The following AMZ1 variants were observed in gnomAD, a reference collection of about 807,000 sequenced individuals.
The protein encoded by AMZ1 is archaelysin family metallopeptidase 1.
AMZ1 carries 39 observed loss-of-function variants against 29.9 expected under a neutral mutation model. The observed-to-expected ratio is 1.30, with a 90% CI of 1.01 to 1.70. AMZ1 has a LOEUF of 1.70. Among genes scored for constraint, AMZ1 ranks in the 40% most tolerant of loss-of-function variants. The pLI, the probability that AMZ1 is intolerant of heterozygous loss-of-function variation, is 0.00. For synonymous variants in AMZ1, 458 were observed against 304.0 expected (o/e 1.51, Z -5.27); for missense variants, 1,041 against 680.6 (o/e 1.53, Z -5.89).
At chr7:2,686,683 C>T (rs1444424409), upstream of AMZ1, among the ~76,000 whole-genome samples, 3 of 151,906 alleles carry the variant, frequency 2.0e-5, no homozygotes, top group African/African-American at 4.8e-5. Context: ...AAATTTTGCA[C>T]ACCGGACACC....
upstream of AMZ1, chr7:2,762,754 C>T (rs1309630679): frequency 6.4e-7 from 1 of 1,551,012 alleles, no homozygotes; most frequent in Non-Finnish European, 8.7e-7. Flanking sequence ...GGAAGTGCAC[C>T]AGGCCCGTCC....
chr7:2,684,137 C>T (rs1176886182), upstream of AMZ1, among the ~76,000 whole-genome samples: 2 of 151,866 alleles, frequency 1.3e-5, no homozygotes, highest in Non-Finnish European at 2.9e-5. Context: ...AAGATCACGC[C>T]ACTGCACTCC....
chr7:2,740,843 G>C (rs1284052538), intron 4 of AMZ1, among the ~76,000 whole-genome samples: 1 of 152,204 alleles, frequency 6.6e-6, no homozygotes, highest in African/African-American at 2.4e-5. Context: ...GAGAGATCTA[G>C]ACCATCCTGA....
At chr7:2,753,356 G>A (rs1791129630) in intron 4 of AMZ1, among the ~76,000 whole-genome samples, 1 of 151,990 alleles carries the variant, frequency 6.6e-6, no homozygotes. Flanking sequence ...TTGCTATGTT[G>A]TCCAGGCTGG....
In AMZ1 at chr7:2,702,909, G is replaced by A. The variant is rs375269556; in HGVS notation, c.472+20G>A. On this transcript the variant is annotated intron_variant, in intron 3 of 6. Transcript: ENST00000683327. ...ACACAGGTGAGTGAGGACGGCAGCC[G>A]CCGCTCAGGCCAAGGCAGGCCCCTT... 4.1e-5 allele frequency: 65 copies of A among 1,570,754 alleles called. No individual in the cohort carries two copies. The highest frequency in any genetic ancestry group is 5.1e-5 in the Non-Finnish European group (59 of 1,165,180).
Position 2,691,665 on chromosome 7 carries a change from A to C in AMZ1, c.-219+3369A>C, listed in dbSNP as rs998432854. 2.2e-5 allele frequency among the ~76,000 whole-genome samples: 3 copies of C among 135,398 alleles called. 1 individual carries two copies. Among genetic ancestry groups the C allele is most frequent in the African/African-American group, 9.4e-5 (3 of 31,830 alleles). 88.8% of individuals were successfully genotyped at this position (135,398 alleles called of 152,430 possible). A position where few individuals can be genotyped will look rare whatever the true frequency, so the allele number is the denominator to read the frequency against. On this transcript the variant is annotated intron_variant, in intron 1 of 6. Transcript: ENST00000683327. ...CTCAGGCAGTGAACCCAGGAGGCGGAGGTTGCAGTGAGCCGAGATTGCGCC... is the reference window on the plus strand; with the variant it reads ...CTCAGGCAGTGAACCCAGGAGGCGGCGGTTGCAGTGAGCCGAGATTGCGCC...
intron 4 of AMZ1, among the ~76,000 whole-genome samples, chr7:2,753,154 C>CTT (rs34424525): frequency 1.1e-4 from 16 of 147,260 alleles, no homozygotes; most frequent in African/African-American, 3.2e-4. Flanking sequence ...CAGCATGCGG[C>CTT]TTTTTTTTTT....
chr7:2,746,334 C>G (rs1790762053), intron 4 of AMZ1, among the ~76,000 whole-genome samples: 1 of 152,204 alleles, frequency 6.6e-6, no homozygotes, highest in South Asian at 2.1e-4. Flanking sequence ...TCTCAGACCA[C>G]AGTGCAATCA....
At chr7:2,691,372 C>G (rs1209741690) in intron 1 of AMZ1, among the ~76,000 whole-genome samples, 2 of 148,248 alleles carry the variant, frequency 1.3e-5, no homozygotes, top group South Asian at 4.2e-4. Flanking sequence ...CTTTCCCTCT[C>G]TGAGCCTCAG....
At chr7:2,752,476 C>T (rs1014087268) in intron 4 of AMZ1, among the ~76,000 whole-genome samples, 2 of 152,102 alleles carry the variant, frequency 1.3e-5, no homozygotes, top group Non-Finnish European at 2.9e-5. Flanking sequence ...ACAAATGAAA[C>T]AAAAGACACA....
rs923034727 is a variant in AMZ1 at position 2,715,350 on chromosome 7, G to A, written c.*2472G>A. 8.5e-5 allele frequency: 13 copies of A among 152,362 alleles called. No individual in the cohort carries two copies. Among genetic ancestry groups the A allele is most frequent in the African/African-American group, 2.9e-4 (12 of 41,434 alleles). 9.4% of individuals were successfully genotyped at this position (152,362 alleles called of 1,614,324 possible). A position where few individuals can be genotyped will look rare whatever the true frequency, so the allele number is the denominator to read the frequency against. ...GATTTGGCTGGTGCACCTGCGAGGT[G>A]GCCTGACCTGTTTTCCGATTTCCTT... On this transcript the variant is annotated 3_prime_UTR_variant, in exon 7 of 7. Coordinates refer to ENST00000683327, the MANE Select transcript of AMZ1 (RefSeq NM_001384743.1).
Position 2,716,299 on chromosome 7 carries a change from C to T in AMZ1, c.*3421C>T, listed in dbSNP as rs920186896. 6.6e-6 allele frequency: 1 copy of T among 152,202 alleles called. No individual in the cohort carries two copies. Among genetic ancestry groups the T allele is most frequent in the Non-Finnish European group, 1.5e-5 (1 of 68,066 alleles). The allele number at this position is 152,202 out of a possible 1,614,324, so 9.4% of individuals were successfully genotyped here. On this transcript the variant is annotated 3_prime_UTR_variant, in exon 7 of 7. Coordinates refer to ENST00000683327, the MANE Select transcript of AMZ1 (RefSeq NM_001384743.1). ...ATCTCATTCTTTTCCCTCTCTTCCT[C>T]CCCAAAAAGCCCAAACTCATTGTCA... is the stretch of plus-strand genomic sequence containing the variant.
In AMZ1 at chr7:2,737,253, GCTAT is replaced by G. The variant is rs569122765; in HGVS notation, n.550+27440_550+27443del. Among the ~76,000 whole-genome samples, 785 of 137,568 alleles carry G rather than the reference GCTAT, an allele frequency of 5.7e-3. 3 individuals are homozygous for G. Among genetic ancestry groups the G allele is most frequent in the Non-Finnish European group, 9.8e-3 (633 of 64,428 alleles). The allele number at this position is 137,568 out of a possible 152,430, so 90.2% of individuals were successfully genotyped here. A position where few individuals can be genotyped will look rare whatever the true frequency, so the allele number is the denominator to read the frequency against. On this transcript the variant is annotated intron_variant and non_coding_transcript_variant, in intron 4 of 4. Transcript: ENST00000489665. ...TTAAACCCTATCTGCCCATTCAGGA[GCTAT>G]CTCACAGTTTTGTTTTGTTTTTTTT...
intron 4 of AMZ1, among the ~76,000 whole-genome samples, chr7:2,759,429 T>C (rs1337756324): frequency 1.3e-5 from 2 of 152,190 alleles, no homozygotes; most frequent in Admixed American, 6.5e-5. Flanking sequence ...GTTCTGTCCA[T>C]GTGACAGATG....
intron 4 of AMZ1, among the ~76,000 whole-genome samples, chr7:2,735,684 C>G (rs1158493879): frequency 1.3e-5 from 2 of 152,216 alleles, no homozygotes; most frequent in East Asian, 3.8e-4. Flanking sequence ...TTTAACTCAT[C>G]ACAGCATTTG....
rs934400149 is a variant in AMZ1, at chr7:2,719,673, A to G, written c.*6795A>G. Among the ~76,000 whole-genome samples the G allele has an allele frequency of 8.0e-6, 1 of 124,802 alleles. No individual in the cohort carries two copies. The highest frequency in any genetic ancestry group is 8.8e-5 in the Admixed American group (1 of 11,394). 81.9% of individuals were successfully genotyped at this position (124,802 alleles called of 152,430 possible). On this transcript the variant is annotated 3_prime_UTR_variant, in exon 7 of 7. Coordinates refer to ENST00000683327, the MANE Select transcript of AMZ1 (RefSeq NM_001384743.1). ...TTCATTCTCAAAATTAATAAATGCT[A>G]TCAACCCCAATTTTTTTTTTTTTTG...
At chr7:2,753,389 C>T (rs889672457) in intron 4 of AMZ1, among the ~76,000 whole-genome samples, 2 of 69,146 alleles carry the variant, frequency 2.9e-5, no homozygotes, top group Admixed American at 3.3e-4. Flanking sequence ...GGGCTCAAGC[C>T]ATCCTCCCAA....
At chr7:2,690,738 C>T (rs747070428) in intron 1 of AMZ1, among the ~76,000 whole-genome samples, 1 of 152,150 alleles carries the variant, frequency 6.6e-6, no homozygotes, top group Admixed American at 6.6e-5. Flanking sequence ...CTTCCTGTTG[C>T]TCCCATTCGG....
rs1011607387 is a variant in AMZ1 at position 2,702,761 on chromosome 7, A to G, written c.344A>G (p.Gln115Arg). ...CCGGTGGGAAGCTCCCTGCTGCACC[A>G]GCTGTGCAGCTGCACAGAGGCCTTC... ...EEPVGSSLLHQLCSCTEAFFL... is the reference protein window; with the variant it reads ...EEPVGSSLLHRLCSCTEAFFL... Residue 115 changes from glutamine to arginine, a missense_variant, in exon 3 of 7, where the codon CAG becomes CGG. By Grantham distance (43) the Gln-to-Arg change is conservative. Coordinates refer to ENST00000683327, the MANE Select transcript of AMZ1 (RefSeq NM_001384743.1). The G allele has an allele frequency of 2.6e-6, 4 of 1,541,688 alleles. No individual in the cohort carries two copies. Among genetic ancestry groups the G allele is most frequent in the Non-Finnish European group, 3.5e-6 (4 of 1,146,246 alleles).
Sources: allele counts gnomAD v4.1 joint callset (sites outside exome capture counted in the v4.1 genomes callset), GRCh38; gene constraint gnomAD v4.1.1; transcripts MANE v1.5; gene names NCBI Gene and HGNC (gene_info 2026-07-23, HGNC 2026-07-21).